Variants in MAGI2 observed in about 807,000 individuals in gnomAD.
MAGI2 encodes membrane-associated guanylate kinase, WW and PDZ domain-containing protein 2.
MAGI2 carries 35 observed loss-of-function variants against 133.3 expected under a neutral mutation model. The observed-to-expected ratio is 0.26, with a 90% CI of 0.20 to 0.35. MAGI2 has a LOEUF of 0.35. Ranked by LOEUF, MAGI2 falls within the 10% of genes least tolerant of loss-of-function variation. MAGI2 has a pLI of 1.00. For missense variants in MAGI2, 1,636 were observed against 1,863.4 expected (o/e 0.88, Z 2.25); for synonymous variants, 729 against 710.6 (o/e 1.03, Z -0.41).
intron 2 of MAGI2, among the ~76,000 whole-genome samples, chr7:78,645,804 T>A (rs1392630403): frequency 6.6e-6 from 1 of 151,650 alleles, no homozygotes; most frequent in East Asian, 1.9e-4. Context: ...AGTGGCATGA[T>A]CTTGGCTCAC....
At chr7:79,070,190 T>C (rs1814819503) in intron 1 of MAGI2, among the ~76,000 whole-genome samples, 1 of 152,146 alleles carries the variant, frequency 6.6e-6, no homozygotes, top group East Asian at 1.9e-4. Flanking sequence ...GATAATATCC[T>C]GAAGAGTGTT....
chr7:78,276,114 G>A (rs1287985422), intron 9 of MAGI2, among the ~76,000 whole-genome samples: 1 of 152,096 alleles, frequency 6.6e-6, no homozygotes, highest in Non-Finnish European at 1.5e-5. Flanking sequence ...CTTAGTCAAT[G>A]AATAATATAA....
intron 2 of MAGI2, among the ~76,000 whole-genome samples, chr7:78,827,893 T>C (rs998237844): frequency 3.3e-5 from 5 of 152,210 alleles, no homozygotes; most frequent in African/African-American, 1.2e-4. Context: ...CTTATTTTAT[T>C]TTATTTTTTG....
In MAGI2 at chr7:78,501,530, C is replaced by T. The variant is rs553079624; in HGVS notation, c.965+47G>A. 1.1e-5 allele frequency: 16 copies of T among 1,477,422 alleles called. No homozygotes were observed. The South Asian group carries it at 1.5e-4, about 14-fold the overall frequency. 91.5% of individuals were successfully genotyped at this position (1,477,422 alleles called of 1,614,324 possible). A position where few individuals can be genotyped will look rare whatever the true frequency, so the allele number is the denominator to read the frequency against. On this transcript the variant is annotated intron_variant, in intron 5 of 21. Transcript: ENST00000354212. ...TCTAACTTGCTACATCATTTATATCCCGCTATGACCTTTTTGGCACTGTTG... is the reference window on the plus strand; with the variant it reads ...TCTAACTTGCTACATCATTTATATCTCGCTATGACCTTTTTGGCACTGTTG...
intron 1 of MAGI2, among the ~76,000 whole-genome samples, chr7:79,246,013 T>C (rs1832798701): frequency 6.6e-6 from 1 of 152,168 alleles, no homozygotes; most frequent in Admixed American, 6.5e-5. Flanking sequence ...CTGGATCTTA[T>C]CCAAGACCAC....
intron 10 of MAGI2, among the ~76,000 whole-genome samples, chr7:78,219,595 C>T (rs556704558): frequency 6.6e-6 from 1 of 152,308 alleles, no homozygotes; most frequent in African/African-American, 2.4e-5. Flanking sequence ...AACTGTTCAG[C>T]TGTATTTACA....
At chr7:79,125,188 A>T (rs1371362778) in intron 1 of MAGI2, 3 of 359,682 alleles carry the variant, frequency 8.3e-6, no homozygotes, top group East Asian at 6.5e-5. Flanking sequence ...TTTTGTAAAC[A>T]CTGACTATGG....
At chr7:78,660,604 A>T (rs1330301007) in intron 2 of MAGI2, among the ~76,000 whole-genome samples, 1 of 152,246 alleles carries the variant, frequency 6.6e-6, no homozygotes, top group Non-Finnish European at 1.5e-5. Flanking sequence ...ATGAAGAAAT[A>T]ACATGCTATA....
At chr7:78,833,592 G>A (rs1791377891) in intron 2 of MAGI2, among the ~76,000 whole-genome samples, 1 of 152,182 alleles carries the variant, frequency 6.6e-6, no homozygotes, top group South Asian at 2.1e-4. Flanking sequence ...GCCTTTGACG[G>A]CAAAGTGGGC....
At chr7:78,977,421 G>A (rs1259872378) in intron 2 of MAGI2, among the ~76,000 whole-genome samples, 2 of 151,146 alleles carry the variant, frequency 1.3e-5, no homozygotes, top group Non-Finnish European at 3.0e-5. Flanking sequence ...GACAGAGAGA[G>A]AGAGAGAGAG....
intron 1 of MAGI2, among the ~76,000 whole-genome samples, chr7:79,416,731 C>CTTTTT (rs1360457770): frequency 7.7e-6 from 1 of 129,330 alleles, no homozygotes; most frequent in Non-Finnish European, 1.6e-5. Context: ...TTTTCTTTTT[C>CTTTTT]TTTTTTTTTT....
intron 1 of MAGI2, among the ~76,000 whole-genome samples, chr7:79,096,264 G>C (rs1295758133): frequency 6.6e-6 from 1 of 152,152 alleles, no homozygotes; most frequent in Non-Finnish European, 1.5e-5. Context: ...ATTCCCCAGT[G>C]CCCTCCCAGT....
intron 2 of MAGI2, among the ~76,000 whole-genome samples, chr7:78,822,618 T>C (rs569680641): frequency 1.1e-3 from 161 of 152,270 alleles, no homozygotes; most frequent in African/African-American, 3.8e-3. Context: ...GCTCAACATA[T>C]ATAATTAACT....
At chr7:79,449,953 C>A (rs895747409) in intron 1 of MAGI2, among the ~76,000 whole-genome samples, 1 of 146,232 alleles carries the variant, frequency 6.8e-6, no homozygotes, top group Non-Finnish European at 1.5e-5. Flanking sequence ...AAAATTATGA[C>A]AGATGAAAAT....
At chr7:78,297,097 T>G (rs778685059) in intron 9 of MAGI2, among the ~76,000 whole-genome samples, 3 of 152,214 alleles carry the variant, frequency 2.0e-5, no homozygotes, top group Non-Finnish European at 4.4e-5. Flanking sequence ...TGTAGCTATG[T>G]AAGGTGGTGG....
intron 1 of MAGI2, among the ~76,000 whole-genome samples, chr7:79,028,939 T>C (rs111372819): frequency 0.059 from 9,051 of 152,270 alleles, 395 homozygotes; most frequent in Non-Finnish European, 0.084. Context: ...ATCAACTTTA[T>C]ACATTAACCA....
chr7:79,083,284 C>T (rs1363563097), intron 1 of MAGI2, among the ~76,000 whole-genome samples: 1 of 138,306 alleles, frequency 7.2e-6, no homozygotes, highest in African/African-American at 2.7e-5. Flanking sequence ...ACTAGTTTTT[C>T]ACCAATAAGT....
intron 3 of MAGI2, among the ~76,000 whole-genome samples, chr7:78,623,944 A>T (rs1584881836): frequency 6.6e-6 from 1 of 152,050 alleles, no homozygotes; most frequent in African/African-American, 2.4e-5. Context: ...GTATAACAAA[A>T]CCTACCGTTC....
intron 21 of MAGI2, among the ~76,000 whole-genome samples, chr7:78,039,106 A>C (rs1280176375): frequency 6.6e-6 from 1 of 152,200 alleles, no homozygotes; most frequent in African/African-American, 2.4e-5. Context: ...TCCAGGTAAC[A>C]CATTCCTGAG....
Sources: allele counts gnomAD v4.1 joint callset (sites outside exome capture counted in the v4.1 genomes callset), GRCh38; gene constraint gnomAD v4.1.1; transcripts MANE v1.5; gene names NCBI Gene and HGNC (gene_info 2026-07-23, HGNC 2026-07-21).